Variants in SLC25A34 observed in about 807,000 individuals in gnomAD.
The protein encoded by SLC25A34 is solute carrier family 25, member 34.
Under a neutral mutation model 28.1 loss-of-function variants are expected in SLC25A34, and 26 were observed. The ratio of observed to expected loss-of-function variants is 0.93; its 90% confidence interval spans 0.68 to 1.28. SLC25A34 has a LOEUF of 1.28. SLC25A34 is among the 50% of genes most tolerant of loss of function. The pLI, the probability that SLC25A34 is intolerant of heterozygous loss-of-function variation, is 0.00. For missense variants in SLC25A34, 384 were observed against 409.8 expected (o/e 0.94, Z 0.54); for synonymous variants, 182 against 182.2 (o/e 1.00, Z 0.01).
In SLC25A34 at chr1:15,739,347, A is replaced by G; in HGVS notation, c.856A>G (p.Met286Val). Residue 286 changes from methionine to valine, a missense_variant, in exon 5 of 5, where the codon ATG (methionine) becomes GTG (valine). By Grantham distance (21) the Met-to-Val change is conservative. Coordinates refer to ENST00000294454, the MANE Select transcript of SLC25A34 (RefSeq NM_207348.3). ...CCTGGGCCCCCACACCATCCTCAGCATGCTCTTCTGGGACGAGCTTCGGAA... is the reference window on the plus strand; with the variant it reads ...CCTGGGCCCCCACACCATCCTCAGCGTGCTCTTCTGGGACGAGCTTCGGAA... ...LRLGPHTILS[M>V]LFWDELRKLA... The G allele has an allele frequency of 6.2e-7, 1 of 1,606,710 alleles. No individual in the cohort carries two copies. Among genetic ancestry groups the G allele is most frequent in the Non-Finnish European group, 8.5e-7 (1 of 1,177,066 alleles).
chr1:15,739,000 A>G, intron 4 of SLC25A34: 1 of 627,376 alleles, frequency 1.6e-6, no homozygotes, highest in Non-Finnish European at 2.7e-6. Context: ...AGACAGATCA[A>G]CTGACTTGCA....
chr1:15,737,855 GC>G (rs1193200515), intron 1 of SLC25A34, 73 bp from the exon 2 acceptor site: 1 of 1,544,078 alleles, frequency 6.5e-7, no homozygotes, highest in African/African-American at 1.4e-5. Context: ...GGGGCAGGGC[GC>G]CCTCAACACA....
chr1:15,736,968 G>A, intron 1 of SLC25A34, 105 bp downstream of exon 1: 1 of 1,385,900 alleles, frequency 7.2e-7, no homozygotes, highest in Non-Finnish European at 9.4e-7. Context: ...TGGGTGGGGT[G>A]GGGCAGCCGG....
chr1:15,736,460 C>A lies in SLC25A34; in HGVS notation c.-26C>A. ...GCCTGTGCCGTGCCCCTGACCCGGG[C>A]ACAGAAGGCCACTGGCCCGGAGGCC... On this transcript the variant is annotated 5_prime_UTR_variant, in exon 1 of 5. Coordinates refer to ENST00000294454, the MANE Select transcript of SLC25A34 (RefSeq NM_207348.3). The A allele has an allele frequency of 7.0e-7, 1 of 1,427,854 alleles. No homozygotes were observed. 88.4% of individuals were successfully genotyped at this position (1,427,854 alleles called of 1,614,324 possible).
At chr1:15,737,813 G>C (rs887903711) in intron 1 of SLC25A34, 116 bp from the exon 2 acceptor site, 8 of 1,149,144 alleles carry the variant, frequency 7.0e-6, no homozygotes, top group South Asian at 2.7e-5. Flanking sequence ...CTTCAGGCTC[G>C]GGACCATGGA....
chr1:15,736,869 T>C lies in SLC25A34; in HGVS notation c.378+6T>C. The C allele has an allele frequency of 1.3e-6, 2 of 1,530,728 alleles. No homozygotes were observed. Among genetic ancestry groups the C allele is most frequent in the Non-Finnish European group, 8.8e-7 (1 of 1,142,216 alleles). 94.8% of individuals were successfully genotyped at this position (1,530,728 alleles called of 1,614,324 possible). A position where few individuals can be genotyped will look rare whatever the true frequency, so the allele number is the denominator to read the frequency against. On this transcript the variant is annotated splice_donor_region_variant and intron_variant, in intron 1 of 4. Transcript: ENST00000294454. ...TGGGGAGCCCTGCTTACCTGGTGAG[T>C]GGCTTGTCTCCATCGTCCACCCTCC...
In SLC25A34 at chr1:15,736,728, C is replaced by A; in HGVS notation, c.243C>A (p.Gly81=). Residue 81 remains glycine, a synonymous_variant, in exon 1 of 5, where the codon GGC becomes GGA. Coordinates refer to ENST00000294454, the MANE Select transcript of SLC25A34 (RefSeq NM_207348.3). Reference sequence around the variant, plus strand: ...TGGCTGCCGGCCTTCTGTACCAAGGCCTCATGAATGGCGTTCGTTTCTACT... The same window carrying A: ...TGGCTGCCGGCCTTCTGTACCAAGGACTCATGAATGGCGTTCGTTTCTACT... ...KGLAAGLLYQ[G]LMNGVRFYCY... is the part of the protein sequence containing the mutation. The A allele has an allele frequency of 2.5e-6, 4 of 1,610,018 alleles. No homozygotes were observed. The highest frequency in any genetic ancestry group is 3.4e-6 in the Non-Finnish European group (4 of 1,179,648).
At chr1:15,737,221 A>C (rs1182381534) in intron 1 of SLC25A34, among the ~76,000 whole-genome samples, 2 of 152,206 alleles carry the variant, frequency 1.3e-5, no homozygotes, top group African/African-American at 2.4e-5. Context: ...TGCACTCTGC[A>C]GGGGGGCCTC....
In SLC25A34 at chr1:15,736,797, T is replaced by C; in HGVS notation, c.312T>C (p.Gly104=). The C allele has an allele frequency of 1.2e-6, 2 of 1,601,306 alleles. No individual in the cohort carries two copies. Among genetic ancestry groups the C allele is most frequent in the Non-Finnish European group, 1.7e-6 (2 of 1,177,346 alleles). The part of the protein sequence containing the change: ...ACQAGLTQQP[G]GTVVAGAVAG... ...AGGCTGGCCTCACGCAGCAACCAGGTGGCACCGTGGTTGCGGGAGCCGTGG... is the reference window on the plus strand; with the variant it reads ...AGGCTGGCCTCACGCAGCAACCAGGCGGCACCGTGGTTGCGGGAGCCGTGG... Residue 104 remains glycine, a synonymous_variant, in exon 1 of 5, where the codon GGT becomes GGC. Transcript: ENST00000294454.
intron 4 of SLC25A34, 81 bp downstream of exon 4, chr1:15,738,809 CACACT>C: frequency 3.3e-4 from 194 of 585,120 alleles, no homozygotes; most frequent in East Asian, 5.2e-4. Context: ...CACACTCTCA[CACACT>C]CACACTCACA....
In SLC25A34 at chr1:15,736,444, G is replaced by A. The variant is rs747918843; in HGVS notation, c.-42G>A. ...ACGCCACCACCACAGGGCCTGTGCCGTGCCCCTGACCCGGGCACAGAAGGC... is the reference window on the plus strand; with the variant it reads ...ACGCCACCACCACAGGGCCTGTGCCATGCCCCTGACCCGGGCACAGAAGGC... On this transcript the variant is annotated 5_prime_UTR_variant, in exon 1 of 5. It adds an upstream start codon to the 5' untranslated region. Transcript: ENST00000294454. 1.9e-5 allele frequency: 27 copies of A among 1,407,776 alleles called. No homozygotes were observed. Among genetic ancestry groups the A allele is most frequent in the South Asian group, 1.4e-4 (9 of 62,352 alleles). 87.2% of individuals were successfully genotyped at this position (1,407,776 alleles called of 1,614,324 possible).
At chr1:15,738,794 A>G in intron 4 of SLC25A34, 66 bp downstream of exon 4, 1 of 1,445,638 alleles carries the variant, frequency 6.9e-7, no homozygotes, top group South Asian at 1.5e-5. Context: ...ACACACACAC[A>G]CACACACACT....
At position 15,736,305 on chromosome 1, in the gene SLC25A34, C is replaced by T. The variant is rs1414537550; in HGVS notation, c.-181C>T. On this transcript the variant is annotated 5_prime_UTR_variant, in exon 1 of 5. Transcript: ENST00000294454. ...GAGCAGGTGGACTGCTGAGATAGAC[C>T]AGGGACACCAGGCAGCCACAGGCCT... 4.0e-6 allele frequency: 2 copies of T among 503,326 alleles called. No homozygotes were observed. Among genetic ancestry groups the T allele is most frequent in the Non-Finnish European group, 6.0e-6 (2 of 332,404 alleles). 31.2% of individuals were successfully genotyped at this position (503,326 alleles called of 1,614,324 possible).
rs1273730988 is a variant in SLC25A34, at chr1:15,736,456, CGG to C, written c.-28_-27del. On this transcript the variant is annotated 5_prime_UTR_variant, in exon 1 of 5. Transcript: ENST00000294454. Reference sequence around the variant, plus strand: ...CAGGGCCTGTGCCGTGCCCCTGACCCGGGCACAGAAGGCCACTGGCCCGGAGG... The same window carrying C: ...CAGGGCCTGTGCCGTGCCCCTGACCCGCACAGAAGGCCACTGGCCCGGAGG... 7.0e-7 allele frequency: 1 copy of C among 1,424,864 alleles called. No individual in the cohort carries two copies. Among genetic ancestry groups the C allele is most frequent in the East Asian group, 2.7e-5 (1 of 37,718 alleles). 88.3% of individuals were successfully genotyped at this position (1,424,864 alleles called of 1,614,324 possible).
chr1:15,739,471 AGGACAACT>A lies in SLC25A34; in HGVS notation c.*68_*75del. 4 of 1,475,290 alleles carry A rather than the reference AGGACAACT, an allele frequency of 2.7e-6. No homozygotes were observed. The highest frequency in any genetic ancestry group is 3.6e-6 in the Non-Finnish European group (4 of 1,114,798). The allele number at this position is 1,475,290 out of a possible 1,614,324, so 91.4% of individuals were successfully genotyped here. A position where few individuals can be genotyped will look rare whatever the true frequency, so the allele number is the denominator to read the frequency against. On this transcript the variant is annotated 3_prime_UTR_variant, in exon 5 of 5. Transcript: ENST00000294454. ...TTGGCCGGAAGTGAGAGCCTGCTCC[AGGACAACT>A]GGCTGTCCCGGGGCGGGCCATGGGC...
In SLC25A34 at chr1:15,739,504, C is replaced by A; in HGVS notation, c.*98C>A. ...TGGCTGTCCCGGGGCGGGCCATGGG[C>A]CCAGGCCCTGCCAGAGGTCCCGGGA... On this transcript the variant is annotated 3_prime_UTR_variant, in exon 5 of 5. Transcript: ENST00000294454. 7.2e-7 allele frequency: 1 copy of A among 1,390,000 alleles called. No individual in the cohort carries two copies. Among genetic ancestry groups the A allele is most frequent in the Non-Finnish European group, 9.5e-7 (1 of 1,052,834 alleles). The allele number at this position is 1,390,000 out of a possible 1,614,324, so 86.1% of individuals were successfully genotyped here.
chr1:15,738,758 T>C, intron 4 of SLC25A34, 30 bp downstream of exon 4: 1 of 1,497,466 alleles, frequency 6.7e-7, no homozygotes, highest in Non-Finnish European at 8.9e-7. Context: ...GGGGAGACCG[T>C]GGGGAGCTGG....
At position 15,736,560 on chromosome 1, in the gene SLC25A34, C is replaced by T. The variant is rs559907883; in HGVS notation, c.75C>T (p.Asn25=). 6 of 1,469,112 alleles carry T rather than the reference C, an allele frequency of 4.1e-6. No homozygotes were observed. The African/African-American group carries it at 7.1e-5, about 17-fold the overall frequency. The allele number at this position is 1,469,112 out of a possible 1,614,324, so 91.0% of individuals were successfully genotyped here. ...GCTGCCTGGCCTGTGTCTTCACCAACCCCCTGGAGGTGGTGAAGACGCGGC... is the reference window on the plus strand; with the variant it reads ...GCTGCCTGGCCTGTGTCTTCACCAATCCCCTGGAGGTGGTGAAGACGCGGC... ...SACCLACVFT[N]PLEVVKTRLQ... is the part of the protein sequence containing the mutation. Residue 25 remains asparagine, a synonymous_variant, in exon 1 of 5, where the codon AAC becomes AAT. Transcript: ENST00000294454.
intron 1 of SLC25A34, 84 bp downstream of exon 1, chr1:15,736,947 C>T (rs946431518): frequency 4.0e-5 from 56 of 1,416,480 alleles, no homozygotes; most frequent in Non-Finnish European, 5.1e-5. Flanking sequence ...AAAGGCAGGG[C>T]TCAGTGGACC....
Sources: gnomAD v4.1 joint callset for allele counts (sites outside exome capture counted in the v4.1 genomes callset) on GRCh38, gnomAD v4.1.1 for gene constraint, MANE v1.5 for transcripts, NCBI Gene and HGNC (gene_info 2026-07-23, HGNC 2026-07-21) for gene names.